Variants in LINGO2 observed in about 807,000 individuals in gnomAD.
LINGO2 encodes the protein leucine rich repeat and Ig domain containing 2, also known as leucine-rich repeat and immunoglobulin-like domain-containing nogo receptor-interacting protein 2.
Under a neutral mutation model 30.6 loss-of-function variants are expected in LINGO2, and 14 were observed. The ratio of observed to expected loss-of-function variants is 0.46; its 90% CI spans 0.30 to 0.72. LINGO2 has a LOEUF of 0.72. Among genes scored for constraint, LINGO2 ranks in the 30% least tolerant of loss-of-function variants. The pLI, the probability that LINGO2 is intolerant of heterozygous loss-of-function variation, is 0.07. For missense variants in LINGO2, 729 were observed against 751.7 expected, an observed-to-expected ratio of 0.97 and a Z score of 0.35; for synonymous variants, 317 against 288.5, an observed-to-expected ratio of 1.10 and a Z score of -1.00.
the LINGO2 span, among the ~76,000 whole-genome samples, chr9:28,792,837 C>A: frequency 6.6e-6 from 1 of 152,270 alleles, no homozygotes; most frequent in Non-Finnish European, 1.5e-5. Context: ...GCTATGCATT[C>A]TTTCAAGATC....
At chr9:28,665,162 A>G (rs1270723421) in intron 1 of LINGO2, among the ~76,000 whole-genome samples, 1 of 151,642 alleles carries the variant, frequency 6.6e-6, no homozygotes, top group Non-Finnish European at 1.5e-5. Context: ...CTTAATATTG[A>G]CAATAGCTGA....
intron 4 of LINGO2, among the ~76,000 whole-genome samples, chr9:28,065,914 TGACTCACCTGTATGTATGTCTG>T: frequency 6.6e-6 from 1 of 152,214 alleles, no homozygotes; most frequent in East Asian, 1.9e-4. Flanking sequence ...AGGGAACAAC[TGACTCACCTGTATGTATGTCTG>T]GACACACATA....
At chr9:29,035,831 A>C in the LINGO2 span, among the ~76,000 whole-genome samples, 1 of 152,124 alleles carries the variant, frequency 6.6e-6, no homozygotes, top group East Asian at 1.9e-4. Context: ...GTTTCACTTT[A>C]TCCCACAAGG....
chr9:28,885,935 C>T, the LINGO2 span, among the ~76,000 whole-genome samples: 1 of 152,168 alleles, frequency 6.6e-6, no homozygotes, highest in Non-Finnish European at 1.5e-5. Context: ...CGCCATTGAA[C>T]TTGCCTAATA....
intron 4 of LINGO2, among the ~76,000 whole-genome samples, chr9:28,069,862 T>A (rs957039294): frequency 6.6e-6 from 1 of 152,140 alleles, no homozygotes; most frequent in Non-Finnish European, 1.5e-5. Flanking sequence ...ATAAAATAGT[T>A]TGCTTAACTG....
chr9:28,804,558 CAAAAACAAAAA>C, the LINGO2 span, among the ~76,000 whole-genome samples: 67 of 106,794 alleles, frequency 6.3e-4, no homozygotes, highest in South Asian at 1.6e-3. Context: ...AAAACAAAAA[CAAAAACAAAAA>C]AAAAACAGAT....
chr9:28,986,941 A>G, the LINGO2 span, among the ~76,000 whole-genome samples: 1 of 151,936 alleles, frequency 6.6e-6, no homozygotes, highest in African/African-American at 2.4e-5. Flanking sequence ...TATTTTTTGT[A>G]GCTATTATAA....
At chr9:28,893,494 T>C in the LINGO2 span, among the ~76,000 whole-genome samples, 3 of 152,032 alleles carry the variant, frequency 2.0e-5, no homozygotes, top group African/African-American at 7.2e-5. Flanking sequence ...ACCCAACAAA[T>C]TGTCCATCAG....
the LINGO2 span, among the ~76,000 whole-genome samples, chr9:28,972,000 T>TA: frequency 2.0e-5 from 3 of 152,226 alleles, no homozygotes; most frequent in Non-Finnish European, 4.4e-5. Flanking sequence ...CAAGAGTCTC[T>TA]ACCTGGTAAT....
At chr9:28,871,838 G>C in the LINGO2 span, among the ~76,000 whole-genome samples, 1 of 151,896 alleles carries the variant, frequency 6.6e-6, no homozygotes, top group African/African-American at 2.4e-5. Context: ...ATGAATACTA[G>C]TACTTATCTC....
chr9:28,446,663 A>G lies in LINGO2; in HGVS notation c.-279+29277T>C, dbSNP rs757665218. On this transcript the variant is annotated intron_variant, in intron 2 of 5. Transcript: ENST00000379992. ...GTTATTTTTCTCCCTCACCTCTGCA[A>G]AAGCCTTCAAACTGGTTTTCCTTCA... 7.6e-4 allele frequency among the ~76,000 whole-genome samples: 115 copies of G among 152,316 alleles called. 1 individual carries two copies. The highest frequency in any genetic ancestry group is 2.6e-4 in the Admixed American group (4 of 15,300).
At chr9:28,493,831 C>T (rs1367740830) in intron 1 of LINGO2, among the ~76,000 whole-genome samples, 2 of 152,144 alleles carry the variant, frequency 1.3e-5, no homozygotes, top group Non-Finnish European at 2.9e-5. Flanking sequence ...CGTGCAAAGA[C>T]TAGACAGGCT....
At chr9:28,063,130 TG>T (rs2133134137) in intron 4 of LINGO2, among the ~76,000 whole-genome samples, 1 of 152,298 alleles carries the variant, frequency 6.6e-6, no homozygotes, top group African/African-American at 2.4e-5. Flanking sequence ...GGCTAGTTTC[TG>T]GAACAATCCA....
chr9:29,162,608 A>G, the LINGO2 span, among the ~76,000 whole-genome samples: 2 of 152,202 alleles, frequency 1.3e-5, no homozygotes, highest in Non-Finnish European at 2.9e-5. Context: ...ATTTGGACAG[A>G]ATAGCCAAGT....
chr9:28,480,283 T>A (rs1825911628), intron 1 of LINGO2, among the ~76,000 whole-genome samples: 1 of 151,950 alleles, frequency 6.6e-6, no homozygotes, highest in Admixed American at 6.6e-5. Flanking sequence ...TGATTTTCTT[T>A]GCACATATGT....
intron 3 of LINGO2, among the ~76,000 whole-genome samples, chr9:28,346,966 C>T (rs564803483): frequency 9.2e-5 from 14 of 152,002 alleles, no homozygotes; most frequent in Non-Finnish European, 1.5e-4. Flanking sequence ...TATTTTCTCC[C>T]ATTCTGTAGG....
At chr9:29,042,212 A>G in the LINGO2 span, among the ~76,000 whole-genome samples, 1 of 151,996 alleles carries the variant, frequency 6.6e-6, no homozygotes, top group Admixed American at 6.6e-5. Flanking sequence ...ATTTAAAATA[A>G]TATAGCCACC....
At chr9:29,050,440 G>A in the LINGO2 span, among the ~76,000 whole-genome samples, 1 of 152,182 alleles carries the variant, frequency 6.6e-6, no homozygotes, top group Non-Finnish European at 1.5e-5. Flanking sequence ...AAGCAAAGAT[G>A]CACAAGAAAA....
chr9:28,814,755 G>A, the LINGO2 span, among the ~76,000 whole-genome samples: 1 of 152,044 alleles, frequency 6.6e-6, no homozygotes, highest in African/African-American at 2.4e-5. Context: ...GGGCATGGTG[G>A]CAGGCACCTG....
Sources: allele counts gnomAD v4.1 joint callset (sites outside exome capture counted in the v4.1 genomes callset), GRCh38; gene constraint gnomAD v4.1.1; transcripts MANE v1.5; gene names NCBI Gene and HGNC (gene_info 2026-07-23, HGNC 2026-07-21).